Variants in INPP5D observed in about 807,000 individuals in gnomAD.
The protein encoded by INPP5D is phosphatidylinositol 3,4,5-trisphosphate 5-phosphatase 1.
A neutral mutation model predicts 122.9 loss-of-function variants in INPP5D; 33 were observed. That is an observed-to-expected ratio of 0.27 (90% CI 0.20 to 0.36). INPP5D has a LOEUF of 0.36. INPP5D is among the 10% of genes least tolerant of loss of function. The pLI is 1.00. For synonymous variants in INPP5D, 584 were observed against 576.2 expected (o/e 1.01, Z -0.19); for missense variants, 1,053 against 1,412.7 (o/e 0.75, Z 4.08).
At chr2:233,187,010 C>A (rs1351767115) in intron 21 of INPP5D, among the ~76,000 whole-genome samples, 1 of 151,824 alleles carries the variant, frequency 6.6e-6, no homozygotes, top group African/African-American at 2.4e-5. Flanking sequence ...GCCACCGCAT[C>A]CAGCCTAAAA....
In INPP5D at chr2:233,125,746, A is replaced by T; in HGVS notation, c.351A>T (p.Val117=). 2 of 1,612,264 alleles carry T rather than the reference A, an allele frequency of 1.2e-6. No homozygotes were observed. The highest frequency in any genetic ancestry group is 1.7e-6 in the Non-Finnish European group (2 of 1,178,974). ...TGGCCTTCCTGCTGTTCTCTCCAGT[A>T]GAAAGTGTCGTGTCTCCACCCGAGC... The part of the protein sequence containing the change: ...DTGDDPEEDT[V]ESVVSPPELP... The change falls in exon 4 of 27, where the codon GTA becomes GTT. Residue 117 remains valine, a splice_region_variant and synonymous_variant. Coordinates refer to ENST00000445964, the MANE Select transcript of INPP5D (RefSeq NM_001017915.3).
chr2:233,161,405 T>C (rs901137382), intron 10 of INPP5D, among the ~76,000 whole-genome samples: 1 of 152,228 alleles, frequency 6.6e-6, no homozygotes, highest in African/African-American at 2.4e-5. Context: ...TGATACATTA[T>C]TAATGAATCT....
At chr2:233,159,360 C>T (rs74222529) in intron 10 of INPP5D, among the ~76,000 whole-genome samples, 86,439 of 151,978 alleles carry the variant, frequency 0.57, 26,461 homozygotes, top group East Asian at 0.98. Context: ...AAATGGATTG[C>T]ACCAGCCTGA....
intron 22 of INPP5D, among the ~76,000 whole-genome samples, chr2:233,192,871 C>T (rs7579694): frequency 0.015 from 2,225 of 152,316 alleles, 50 homozygotes; most frequent in African/African-American, 0.051. Context: ...GCTGACCTCA[C>T]CACGGATAGG....
chr2:233,165,243 ATGAG>A (rs1451682163), intron 13 of INPP5D, among the ~76,000 whole-genome samples: 16 of 152,114 alleles, frequency 1.1e-4, no homozygotes, highest in Non-Finnish European at 2.4e-4. Flanking sequence ...CCCCATATCT[ATGAG>A]TGTGTGTCTA....
chr2:233,117,523 T>C (rs1692836669), intron 2 of INPP5D, among the ~76,000 whole-genome samples: 1 of 152,158 alleles, frequency 6.6e-6, no homozygotes, highest in East Asian at 1.9e-4. Flanking sequence ...CCATGGTAGC[T>C]CCACGGGAGG....
In INPP5D at chr2:233,177,984, T is replaced by C. The variant is rs1275010412; in HGVS notation, c.2071+638T>C. Among the ~76,000 whole-genome samples the C allele has an allele frequency of 2.0e-5, 3 of 152,246 alleles. No homozygotes were observed. The highest frequency in any genetic ancestry group is 7.2e-5 in the African/African-American group (3 of 41,466). On this transcript the variant is annotated intron_variant, in intron 18 of 26. Coordinates refer to ENST00000445964, the MANE Select transcript of INPP5D (RefSeq NM_001017915.3). This position sits in a 1 kb window ranked among gnomAD's most constrained non-coding sequence, Gnocchi z 4.2. ...CAGAAATAGTTATTGGAAATTCATA[T>C]GGCTCAAACTAATACATGTCGCAAG...
chr2:233,191,338 A>G (rs1695051562), intron 22 of INPP5D, among the ~76,000 whole-genome samples: 1 of 152,222 alleles, frequency 6.6e-6, no homozygotes, highest in African/African-American at 2.4e-5. Context: ...CACCCCCATG[A>G]TTCAATTATC....
intron 1 of INPP5D, among the ~76,000 whole-genome samples, chr2:233,065,996 C>T (rs560510955): frequency 1.6e-3 from 247 of 151,124 alleles, no homozygotes; most frequent in South Asian, 0.011. Context: ...CACGGTCTTT[C>T]GCTGTTGCCC....
chr2:233,175,217 CAAAAAAAA>C (rs1220185296), intron 17 of INPP5D, among the ~76,000 whole-genome samples: 1 of 68,616 alleles, frequency 1.5e-5, no homozygotes, highest in Non-Finnish European at 2.5e-5. Flanking sequence ...GACTCCATCT[CAAAAAAAA>C]AAAAAAAAAA....
intron 2 of INPP5D, among the ~76,000 whole-genome samples, chr2:233,087,345 C>T (rs944090303): frequency 6.6e-6 from 1 of 151,944 alleles, no homozygotes; most frequent in Non-Finnish European, 1.5e-5. Context: ...TTTTTTGAGA[C>T]GGAGTCTCAC....
rs527986845 is a variant in INPP5D at position 233,189,011 on chromosome 2, T to C, written c.2359-839T>C. 6.6e-6 allele frequency among the ~76,000 whole-genome samples: 1 copy of C among 152,338 alleles called. No homozygotes were observed. Among genetic ancestry groups the C allele is most frequent in the Non-Finnish European group, 1.5e-5 (1 of 68,020 alleles). ...CACCTTTTTATTTGGCCCTTCTGTATGGGAGTCATCGTGAGAAACAGCCCC... is the reference window on the plus strand; with the variant it reads ...CACCTTTTTATTTGGCCCTTCTGTACGGGAGTCATCGTGAGAAACAGCCCC... On this transcript the variant is annotated intron_variant, in intron 21 of 26. Transcript: ENST00000445964. The surrounding 1 kb of genome is among the most constrained non-coding windows in gnomAD (Gnocchi z 5.6).
At position 233,164,277 on chromosome 2, in the gene INPP5D, C is replaced by T. The variant is rs1405112932; in HGVS notation, c.1438-30C>T. The T allele has an allele frequency of 2.6e-6, 4 of 1,532,024 alleles. No homozygotes were observed. Among genetic ancestry groups the T allele is most frequent in the Non-Finnish European group, 3.5e-6 (4 of 1,136,258 alleles). The allele number at this position is 1,532,024 out of a possible 1,614,324, so 94.9% of individuals were successfully genotyped here. ...CCCTGGTTCACACCCTACACTTGGG[C>T]CGAGTATTGCAACGTTGTCCTCCCA... On this transcript the variant is annotated intron_variant, in intron 12 of 26. Coordinates refer to ENST00000445964, the MANE Select transcript of INPP5D (RefSeq NM_001017915.3). This position sits in a 1 kb window ranked among gnomAD's most constrained non-coding sequence, Gnocchi z 4.3.
chr2:233,094,880 A>G (rs1574720615), intron 2 of INPP5D, among the ~76,000 whole-genome samples: 1 of 152,204 alleles, frequency 6.6e-6, no homozygotes, highest in East Asian at 1.9e-4. Flanking sequence ...GTCTATCAAC[A>G]TCCGTAATGT....
chr2:233,107,702 G>A (rs896410193), intron 2 of INPP5D, among the ~76,000 whole-genome samples: 17 of 152,170 alleles, frequency 1.1e-4, no homozygotes, highest in Non-Finnish European at 2.1e-4. Flanking sequence ...GCCCTGGACA[G>A]CAAGGGCCTG....
intron 2 of INPP5D, among the ~76,000 whole-genome samples, chr2:233,101,792 T>C (rs1426582131): frequency 7.6e-6 from 1 of 131,124 alleles, no homozygotes; most frequent in Non-Finnish European, 1.5e-5. Context: ...TACATTATAT[T>C]ATATTAACTT....
In INPP5D at chr2:233,177,068, A is replaced by G. The variant is rs576759921; in HGVS notation, c.1990-197A>G. Reference sequence around the variant, plus strand: ...ACAGCAAGGTGAGTTATCTTAGTCTAAAGAAGAAGGCGTGGCAGTGGAGTC... The same window carrying G: ...ACAGCAAGGTGAGTTATCTTAGTCTGAAGAAGAAGGCGTGGCAGTGGAGTC... On this transcript the variant is annotated intron_variant, in intron 17 of 26. Coordinates refer to ENST00000445964, the MANE Select transcript of INPP5D (RefSeq NM_001017915.3). This position sits in a 1 kb window ranked among gnomAD's most constrained non-coding sequence, Gnocchi z 4.2. 6.6e-6 allele frequency among the ~76,000 whole-genome samples: 1 copy of G among 152,282 alleles called. No individual in the cohort carries two copies. The highest frequency in any genetic ancestry group is 2.4e-5 in the African/African-American group (1 of 41,542).
In INPP5D at chr2:233,164,204, T is replaced by C; in HGVS notation, c.1438-103T>C. On this transcript the variant is annotated intron_variant, in intron 12 of 26. Coordinates refer to ENST00000445964, the MANE Select transcript of INPP5D (RefSeq NM_001017915.3). The surrounding 1 kb of genome is among the most constrained non-coding windows in gnomAD (Gnocchi z 4.3). ...CGAAGGGTTGGGATTACAGACAGGATACCCCATACCCAGGGGCTGCGGCTG... is the reference window on the plus strand; with the variant it reads ...CGAAGGGTTGGGATTACAGACAGGACACCCCATACCCAGGGGCTGCGGCTG... 1 of 1,458,750 alleles carries C rather than the reference T, an allele frequency of 6.9e-7. No individual in the cohort carries two copies. The highest frequency in any genetic ancestry group is 9.1e-7 in the Non-Finnish European group (1 of 1,103,486). The allele number at this position is 1,458,750 out of a possible 1,614,324, so 90.4% of individuals were successfully genotyped here. A position where few individuals can be genotyped will look rare whatever the true frequency, so the allele number is the denominator to read the frequency against.
At chr2:233,060,774 T>C (rs1027029902) in intron 1 of INPP5D, among the ~76,000 whole-genome samples, 162 bp downstream of exon 1, 1 of 152,236 alleles carries the variant, frequency 6.6e-6, no homozygotes, top group South Asian at 2.1e-4. Context: ...TTCAGAGAGC[T>C]GGTCTCATGG....
Sources: allele counts gnomAD v4.1 joint callset (sites outside exome capture counted in the v4.1 genomes callset), GRCh38; gene constraint gnomAD v4.1.1; non-coding constraint Gnocchi (gnomAD v3.1); transcripts MANE v1.5; gene names NCBI Gene and HGNC (gene_info 2026-07-23, HGNC 2026-07-21).